The following FRMD4A variants were observed in gnomAD, a reference collection of about 807,000 sequenced individuals.
The protein encoded by FRMD4A is FERM domain containing 4A, also known as FERM domain-containing protein 4A.
FRMD4A carries 29 observed loss-of-function variants against 129.1 expected under a neutral mutation model. That is an observed-to-expected ratio of 0.22 (90% CI 0.17 to 0.31). The LOEUF is 0.31. Ranked by LOEUF, FRMD4A falls within the 10% of genes least tolerant of loss-of-function variation. The pLI is 1.00. For synonymous variants in FRMD4A, 634 were observed against 571.6 expected, an observed-to-expected ratio of 1.11 and a Z score of -1.56; for missense variants, 1,272 against 1,375.8, an observed-to-expected ratio of 0.92 and a Z score of 1.19.
chr10:14,128,950 G>A (rs1050309562), intron 2 of FRMD4A, among the ~76,000 whole-genome samples: 2 of 152,108 alleles, frequency 1.3e-5, no homozygotes, highest in Non-Finnish European at 2.9e-5. Context: ...TGGAAGGCAC[G>A]CTGGTCCTGG....
rs528548410 is a variant in FRMD4A at position 13,904,814 on chromosome 10, G to A, written c.46-45902C>T. 2.5e-4 allele frequency among the ~76,000 whole-genome samples: 38 copies of A among 152,068 alleles called. 1 individual carries two copies. In the South Asian group the frequency reaches 7.1e-3, roughly 28 times the overall value. ...TTGAGACCAGCCTGGCCAACGTGGC[G>A]AAACCCTGTCTCTACTAAAAAATAC... On this transcript the variant is annotated intron_variant, in intron 2 of 24. Transcript: ENST00000357447.
chr10:14,094,875 A>G (rs1184610961), intron 2 of FRMD4A, among the ~76,000 whole-genome samples: 1 of 152,112 alleles, frequency 6.6e-6, no homozygotes, highest in East Asian at 1.9e-4. Context: ...GTGTGGACAT[A>G]TGTGCATGTA....
At chr10:14,022,964 C>T (rs780720172) in intron 2 of FRMD4A, among the ~76,000 whole-genome samples, 3 of 152,104 alleles carry the variant, frequency 2.0e-5, no homozygotes, top group Non-Finnish European at 4.4e-5. Context: ...CAAACTCACA[C>T]CAACACTTTG....
At chr10:13,841,358 G>A (rs906204847) in intron 3 of FRMD4A, among the ~76,000 whole-genome samples, 9 of 152,130 alleles carry the variant, frequency 5.9e-5, no homozygotes, top group Admixed American at 2.0e-4. Flanking sequence ...TGTTATTCAC[G>A]AACCCTTTGG....
At chr10:14,060,483 A>G (rs1232978987) in intron 2 of FRMD4A, among the ~76,000 whole-genome samples, 1 of 152,216 alleles carries the variant, frequency 6.6e-6, no homozygotes, top group Non-Finnish European at 1.5e-5. Flanking sequence ...TTACAAGTGG[A>G]CTACTTGGGA....
intron 5 of FRMD4A, among the ~76,000 whole-genome samples, chr10:13,796,270 C>T (rs1366482912): frequency 6.6e-6 from 1 of 152,198 alleles, no homozygotes; most frequent in Non-Finnish European, 1.5e-5. Flanking sequence ...CACAAGCATC[C>T]TAGTGCAAAT....
At chr10:14,276,187 C>T (rs997669951) in intron 2 of FRMD4A, among the ~76,000 whole-genome samples, 5 of 152,194 alleles carry the variant, frequency 3.3e-5, no homozygotes, top group Admixed American at 6.5e-5. Context: ...AGTCAACTTG[C>T]AAGGTCCCTT....
intron 2 of FRMD4A, among the ~76,000 whole-genome samples, chr10:14,163,312 T>C (rs1251175081): frequency 1.3e-5 from 2 of 152,252 alleles, no homozygotes; most frequent in Admixed American, 1.3e-4. Context: ...TGTAAGGCAT[T>C]TTTATCCCTT....
At chr10:13,829,363 A>G (rs1247120644) in intron 3 of FRMD4A, among the ~76,000 whole-genome samples, 1 of 152,172 alleles carries the variant, frequency 6.6e-6, no homozygotes, top group Non-Finnish European at 1.5e-5. Context: ...CATCTCCACA[A>G]AAAATAAAAA....
At chr10:14,028,704 A>T (rs1599943) in intron 2 of FRMD4A, among the ~76,000 whole-genome samples, 2 of 152,108 alleles carry the variant, frequency 1.3e-5, no homozygotes, top group African/African-American at 4.8e-5. Flanking sequence ...GCTTGTATCG[A>T]TATCCATACT....
At chr10:14,222,122 A>G (rs1843281816) in intron 2 of FRMD4A, among the ~76,000 whole-genome samples, 2 of 152,226 alleles carry the variant, frequency 1.3e-5, no homozygotes, top group African/African-American at 4.8e-5. Flanking sequence ...TTATTTTAAA[A>G]TGGCATATCT....
chr10:14,208,809 C>T (rs1366333760), intron 2 of FRMD4A, among the ~76,000 whole-genome samples: 2 of 152,160 alleles, frequency 1.3e-5, no homozygotes, highest in Non-Finnish European at 2.9e-5. Context: ...GCCTGGTTCC[C>T]ATTCCCGGAT....
At chr10:14,288,425 G>A (rs964877855) in intron 2 of FRMD4A, among the ~76,000 whole-genome samples, 2 of 152,108 alleles carry the variant, frequency 1.3e-5, no homozygotes, top group African/African-American at 4.8e-5. Context: ...TGTACACTGG[G>A]AATTTAGACT....
intron 2 of FRMD4A, among the ~76,000 whole-genome samples, chr10:14,134,684 T>C (rs1361957776): frequency 6.6e-6 from 1 of 151,240 alleles, no homozygotes; most frequent in Non-Finnish European, 1.5e-5. Context: ...AATGAATGGA[T>C]GGATGGGTGG....
intron 15 of FRMD4A, among the ~76,000 whole-genome samples, chr10:13,676,492 C>T (rs1486727134): frequency 6.8e-6 from 1 of 147,040 alleles, no homozygotes; most frequent in Admixed American, 6.9e-5. Context: ...CCAGGCTGGT[C>T]TTGAACTCCT....
intron 12 of FRMD4A, among the ~76,000 whole-genome samples, chr10:13,729,758 A>T (rs1359701959): frequency 6.6e-6 from 1 of 152,198 alleles, no homozygotes; most frequent in Non-Finnish European, 1.5e-5. Flanking sequence ...CTAAGTGTAC[A>T]TAAAAGCCCC....
intron 2 of FRMD4A, among the ~76,000 whole-genome samples, chr10:14,011,172 A>G (rs571783837): frequency 6.6e-6 from 1 of 152,336 alleles, no homozygotes; most frequent in African/African-American, 2.4e-5. Flanking sequence ...TGGAAATCCC[A>G]AAGGAAGATA....
chr10:14,099,923 G>A (rs1016509275), intron 2 of FRMD4A, among the ~76,000 whole-genome samples: 3 of 152,144 alleles, frequency 2.0e-5, no homozygotes, highest in Admixed American at 6.5e-5. Flanking sequence ...AGGCAACCTG[G>A]CTTTAGGGCC....
intron 2 of FRMD4A, among the ~76,000 whole-genome samples, chr10:14,108,197 G>A (rs973320305): frequency 6.6e-6 from 1 of 152,068 alleles, no homozygotes; most frequent in Non-Finnish European, 1.5e-5. Flanking sequence ...CTTACTATTA[G>A]CGAGACCAGC....
Sources: allele counts gnomAD v4.1 joint callset (sites outside exome capture counted in the v4.1 genomes callset), GRCh38; gene constraint gnomAD v4.1.1; transcripts MANE v1.5; gene names NCBI Gene and HGNC (gene_info 2026-07-23, HGNC 2026-07-21).